PLCG2: variants seen among roughly 807,000 people sequenced by gnomAD.
The protein encoded by PLCG2 is 1-phosphatidylinositol 4,5-bisphosphate phosphodiesterase gamma-2.
A neutral mutation model predicts 175.6 loss-of-function variants in PLCG2; 69 were observed. That is an observed-to-expected ratio of 0.39 (90% CI 0.32 to 0.48). PLCG2 has a LOEUF of 0.48. PLCG2 is among the 20% of genes least tolerant of loss of function. The pLI, the probability that PLCG2 is intolerant of heterozygous loss-of-function variation, is 0.91. For synonymous variants in PLCG2, 827 were observed against 624.0 expected (o/e 1.33, Z -4.85); for missense variants, 1,798 against 1,650.9 (o/e 1.09, Z -1.54).
At chr16:81,763,993 A>G (rs1910092593) in intron 2 of PLCG2, among the ~76,000 whole-genome samples, 1 of 151,044 alleles carries the variant, frequency 6.6e-6, no homozygotes, top group Non-Finnish European at 1.5e-5. Context: ...CAAACAAAAA[A>G]TAGTTACGAA....
At chr16:81,814,824 T>C (rs4404063) in intron 2 of PLCG2, among the ~76,000 whole-genome samples, 151,604 of 152,328 alleles carry the variant, frequency 1, 75,443 homozygotes, top group East Asian at 1. Flanking sequence ...CTCTGAACCT[T>C]AGTTTCTTTG....
At chr16:81,914,480 T>C (rs982158596) in intron 19 of PLCG2, among the ~76,000 whole-genome samples, 12 of 152,142 alleles carry the variant, frequency 7.9e-5, no homozygotes, top group Non-Finnish European at 1.3e-4. Flanking sequence ...GTTGGGTGGG[T>C]CCTCAGGTTG....
At chr16:81,817,510 C>G (rs1427408305) in intron 2 of PLCG2, among the ~76,000 whole-genome samples, 1 of 152,238 alleles carries the variant, frequency 6.6e-6, no homozygotes, top group Non-Finnish European at 1.5e-5. Context: ...CTTTTGTCAG[C>G]TGTGTTTGGT....
intron 2 of PLCG2, among the ~76,000 whole-genome samples, chr16:81,800,311 C>G (rs980102350): frequency 2.0e-5 from 3 of 152,156 alleles, no homozygotes; most frequent in Admixed American, 6.5e-5. Flanking sequence ...AGCTCATCAC[C>G]TAGATATTAA....
In PLCG2 at chr16:81,960,368, C is replaced by T. The variant is rs140555758; in HGVS notation, c.*2370C>T. The T allele has an allele frequency of 1.5e-3, 325 of 220,806 alleles. 2 individuals are homozygous for T. The highest frequency in any genetic ancestry group is 7.1e-3 in the South Asian group (38 of 5,384). 13.7% of individuals were successfully genotyped at this position (220,806 alleles called of 1,614,324 possible). On this transcript the variant is annotated 3_prime_UTR_variant, in exon 33 of 33. Coordinates refer to ENST00000564138, the MANE Select transcript of PLCG2 (RefSeq NM_002661.5). ...AGGCCAAGAAGACTAGTAACAGGCA[C>T]ATTCTGAAAGATGGAAGCAGCACTG...
chr16:81,794,462 A>G (rs1238363380), intron 2 of PLCG2, among the ~76,000 whole-genome samples: 1 of 152,174 alleles, frequency 6.6e-6, no homozygotes, highest in Non-Finnish European at 1.5e-5. Context: ...AGACGCAACC[A>G]ATGCCTGAAG....
chr16:81,834,443 C>G (rs554394342), intron 2 of PLCG2, among the ~76,000 whole-genome samples: 4 of 152,262 alleles, frequency 2.6e-5, no homozygotes, highest in East Asian at 3.9e-4. Flanking sequence ...GACTCAGACC[C>G]CAGCTTGCCC....
intron 2 of PLCG2, among the ~76,000 whole-genome samples, chr16:81,825,057 C>G (rs909217751): frequency 6.6e-6 from 1 of 152,116 alleles, no homozygotes; most frequent in Non-Finnish European, 1.5e-5. Flanking sequence ...GGGTGGATTC[C>G]CCCTTGGAGC....
chr16:81,942,885 A>G (rs763180698), intron 30 of PLCG2, among the ~76,000 whole-genome samples: 10 of 152,072 alleles, frequency 6.6e-5, no homozygotes, highest in Non-Finnish European at 1.5e-4. Flanking sequence ...TTCCCCAGTG[A>G]AATGACTAGA....
At chr16:81,791,116 G>A (rs1911212100) in intron 2 of PLCG2, among the ~76,000 whole-genome samples, 1 of 152,206 alleles carries the variant, frequency 6.6e-6, no homozygotes, top group Non-Finnish European at 1.5e-5. Flanking sequence ...TGCAGAGAGA[G>A]GGAGGAGGAG....
At chr16:81,907,142 A>T (rs1485089556) in intron 15 of PLCG2, among the ~76,000 whole-genome samples, 2 of 152,036 alleles carry the variant, frequency 1.3e-5, no homozygotes, top group African/African-American at 4.8e-5. Context: ...AAAGTATAAT[A>T]AAAAAATACA....
chr16:81,744,452 C>A (rs952686226), intron 1 of PLCG2, among the ~76,000 whole-genome samples: 4 of 151,852 alleles, frequency 2.6e-5, no homozygotes, highest in Admixed American at 1.3e-4. Flanking sequence ...CGTGAGCCAC[C>A]GCACCCAGTC....
rs554041631 is a variant in PLCG2 at position 81,841,628 on chromosome 16, C to A, written c.194-12816C>A. Among the ~76,000 whole-genome samples the A allele has an allele frequency of 2.0e-5, 3 of 152,220 alleles. No individual in the cohort carries two copies. The East Asian group carries it at 5.8e-4, about 29-fold the overall frequency. ...TCCATTTCATAGATGAGAAAATAGA[C>A]AGTAAGCCAGAATAGAGGCTTCTTC... On this transcript the variant is annotated intron_variant, in intron 2 of 32. Coordinates refer to ENST00000564138, the MANE Select transcript of PLCG2 (RefSeq NM_002661.5).
chr16:81,896,439 G>T (rs1371123376), intron 13 of PLCG2, among the ~76,000 whole-genome samples: 1 of 150,322 alleles, frequency 6.7e-6, no homozygotes, highest in Non-Finnish European at 1.5e-5. Context: ...TCATCTGGGT[G>T]TAGTGGCATG....
Position 81,869,154 on chromosome 16 carries a change from C to G in PLCG2, c.480-60C>G, listed in dbSNP as rs571851487. The G allele has an allele frequency of 1.0e-3, 1,357 of 1,304,998 alleles. 2 individuals are homozygous for G. The highest frequency in any genetic ancestry group is 1.4e-3 in the Non-Finnish European group (1,221 of 898,690). The allele number at this position is 1,304,998 out of a possible 1,614,324, so 80.8% of individuals were successfully genotyped here. On this transcript the variant is annotated intron_variant, in intron 5 of 32. Coordinates refer to ENST00000564138, the MANE Select transcript of PLCG2 (RefSeq NM_002661.5). Reference sequence around the variant, plus strand: ...CTGAGGTGGGAACTGATGGGAGCAGCTAAATCCTGTGCTGTTGAAAACCCT... The same window carrying G: ...CTGAGGTGGGAACTGATGGGAGCAGGTAAATCCTGTGCTGTTGAAAACCCT...
chr16:81,768,171 C>T (rs746892639), intron 2 of PLCG2, among the ~76,000 whole-genome samples: 24 of 152,082 alleles, frequency 1.6e-4, no homozygotes, highest in Non-Finnish European at 2.9e-4. Context: ...CCACCATGCC[C>T]GGCCTAATGC....
At chr16:81,826,338 G>A (rs923127861) in intron 2 of PLCG2, among the ~76,000 whole-genome samples, 3 of 152,170 alleles carry the variant, frequency 2.0e-5, no homozygotes, top group African/African-American at 7.2e-5. Flanking sequence ...CATCAAGTAT[G>A]ATCTGTGTCC....
intron 31 of PLCG2, among the ~76,000 whole-genome samples, chr16:81,952,451 G>A (rs1911404870): frequency 6.6e-6 from 1 of 152,048 alleles, no homozygotes; most frequent in African/African-American, 2.4e-5. Flanking sequence ...TTAGACAAGT[G>A]GTTGATTTCC....
At chr16:81,741,367 G>C (rs146046871) in intron 1 of PLCG2, among the ~76,000 whole-genome samples, 1 of 152,306 alleles carries the variant, frequency 6.6e-6, no homozygotes, top group East Asian at 1.9e-4. Flanking sequence ...TTTGAACCCA[G>C]TCTGGTTCCA....
Sources: allele counts gnomAD v4.1 joint callset (sites outside exome capture counted in the v4.1 genomes callset), GRCh38; gene constraint gnomAD v4.1.1; transcripts MANE v1.5; gene names NCBI Gene and HGNC (gene_info 2026-07-23, HGNC 2026-07-21).